Variants in RAD51AP2 observed in about 807,000 individuals in gnomAD.
The protein encoded by RAD51AP2 is RAD51 associated protein 2, also known as RAD51-associated protein 2.
In RAD51AP2, 67 loss-of-function variants were observed where a neutral mutation model predicts 85.5. The observed-to-expected ratio is 0.78, with a 90% CI of 0.64 to 0.96. The LOEUF is 0.96. Ranked by LOEUF, RAD51AP2 falls within the 40% of genes least tolerant of loss-of-function variation. The pLI, the probability that RAD51AP2 is intolerant of heterozygous loss-of-function variation, is 0.00. For synonymous variants in RAD51AP2, 474 were observed against 446.5 expected (o/e 1.06, Z -0.78); for missense variants, 1,307 against 1,332.4 (o/e 0.98, Z 0.30).
the RAD51AP2 span, among the ~76,000 whole-genome samples, chr2:17,534,453 G>T: frequency 5.4e-4 from 82 of 152,164 alleles, 2 homozygotes; most frequent in Admixed American, 4.4e-3. Context: ...AGCAGTTGCT[G>T]AATAACTAGT....
At chr2:17,521,680 C>G (rs755526227), upstream of RAD51AP2, among the ~76,000 whole-genome samples, 22 of 151,900 alleles carry the variant, frequency 1.4e-4, no homozygotes, top group Non-Finnish European at 2.9e-4. Context: ...CATTTATTTG[C>G]ATATAAGATT....
At position 17,517,322 on chromosome 2, in the gene RAD51AP2, T is replaced by C. The variant is rs576736859; in HGVS notation, c.1094A>G (p.Lys365Arg). Residue 365 changes from lysine (K) to arginine (R), a missense_variant, in exon 1 of 3, where the codon AAG becomes AGG. Transcript: ENST00000399080. ...SIQCNVRDSR[K>R]NFAILENANW... is the part of the protein sequence containing the mutation. ...TGCATTTTCTAGTATAGCGAAATTCTTTCTAGAGTCTCTTACATTACACTG... is the reference window on the plus strand; with the variant it reads ...TGCATTTTCTAGTATAGCGAAATTCCTTCTAGAGTCTCTTACATTACACTG... The C allele has an allele frequency of 1.8e-5, 29 of 1,614,022 alleles. No individual in the cohort carries two copies. In the South Asian group the frequency reaches 2.6e-4, roughly 15 times the overall value.
rs1662461557 is a variant in RAD51AP2, at chr2:17,510,581, T to G, written c.*223A>C. On this transcript the variant is annotated 3_prime_UTR_variant, in exon 3 of 3. Coordinates refer to ENST00000399080, the MANE Select transcript of RAD51AP2 (RefSeq NM_001099218.3). The stretch of plus-strand genomic sequence containing the variant: ...ATGAAAAATAATAAGTCAACATGTT[T>G]TATCCAATAATGAAACGGCTTTAAT... The G allele has an allele frequency of 3.4e-6, 1 of 294,544 alleles. No homozygotes were observed. Among genetic ancestry groups the G allele is most frequent in the Non-Finnish European group, 6.2e-6 (1 of 161,690 alleles). 18.2% of individuals were successfully genotyped at this position (294,544 alleles called of 1,614,324 possible). A position where few individuals can be genotyped will look rare whatever the true frequency, so the allele number is the denominator to read the frequency against.
chr2:17,522,772 A>T (rs530936067), upstream of RAD51AP2, among the ~76,000 whole-genome samples: 1 of 152,022 alleles, frequency 6.6e-6, no homozygotes, highest in African/African-American at 2.4e-5. Context: ...TTTTTTAATC[A>T]TATAAACTTA....
chr2:17,517,390 T>C lies in RAD51AP2; in HGVS notation c.1026A>G (p.Arg342=). 6.2e-7 allele frequency: 1 copy of C among 1,613,844 alleles called. No homozygotes were observed. The highest frequency in any genetic ancestry group is 8.5e-7 in the Non-Finnish European group (1 of 1,179,926). The change falls in exon 1 of 3, where the codon AGA becomes AGG. Residue 342 remains arginine, a synonymous_variant. Transcript: ENST00000399080. ...PSLSSQNTCK[R]KDLISSNYCN... is the part of the protein sequence containing the mutation. Reference sequence around the variant, plus strand: ...AGTAGTTTGAACTGATCAAGTCTTTTCTCTTACAAGTATTTTGGCTACTGA... The same window carrying C: ...AGTAGTTTGAACTGATCAAGTCTTTCCTCTTACAAGTATTTTGGCTACTGA...
rs1400220991 is a variant in RAD51AP2 at position 17,518,418 on chromosome 2, C to G, written c.-3G>C. ...GGCGTGGGCTGAGGGAGAGACATGA[C>G]AGCGAATGGAAAGGATCTGTCCGAG... On this transcript the variant is annotated 5_prime_UTR_variant, in exon 1 of 3. Coordinates refer to ENST00000399080, the MANE Select transcript of RAD51AP2 (RefSeq NM_001099218.3). 1 of 1,608,848 alleles carries G rather than the reference C, an allele frequency of 6.2e-7. No individual in the cohort carries two copies. The highest frequency in any genetic ancestry group is 2.0e-4 in the Middle Eastern group (1 of 4,904).
chr2:17,520,817 T>C (rs1662841677), upstream of RAD51AP2, among the ~76,000 whole-genome samples: 1 of 151,848 alleles, frequency 6.6e-6, no homozygotes, highest in African/African-American at 2.4e-5. Flanking sequence ...ATTTTCTTGC[T>C]CTTTTATGTA....
rs1271408860 is a variant in RAD51AP2, at chr2:17,515,717, T to C, written c.2699A>G (p.Asn900Ser). The change falls in exon 1 of 3, where the codon AAT becomes AGT. Residue 900 changes from asparagine (N) to serine (S), a missense_variant. By Grantham distance (46) the Asn-to-Ser change is conservative. Transcript: ENST00000399080. ...TTCTGGCAAAATACTCTCATATTCA[T>C]TTGTATTTGTTACATAATTTTGATT... ...YVNQNYVTNT[N>S]EYESILPERE... The C allele has an allele frequency of 1.9e-6, 3 of 1,597,698 alleles. No individual in the cohort carries two copies. The highest frequency in any genetic ancestry group is 1.7e-5 in the Admixed American group (1 of 57,242).
chr2:17,517,864 G>T lies in RAD51AP2; in HGVS notation c.552C>A (p.Asp184Glu), dbSNP rs1489577434. 2 of 1,613,974 alleles carry T rather than the reference G, an allele frequency of 1.2e-6. No individual in the cohort carries two copies. The highest frequency in any genetic ancestry group is 1.3e-5 in the African/African-American group (1 of 75,022). The change falls in exon 1 of 3, where the codon GAC becomes GAA. Residue 184 changes from aspartate to glutamate, a missense_variant. By Grantham distance (45) the Asp-to-Glu change is conservative (BLOSUM62 2). Transcript: ENST00000399080. ...NRKQQFVQGR[D>E]NVHKENPFLD... ...AAAATGGATTTTCTTTGTGAACATT[G>T]TCTCTTCCTTGGACAAACTGTTGTT...
rs1306442294 is a variant in RAD51AP2, at chr2:17,518,012, G to A, written c.404C>T (p.Ala135Val). 1 of 1,614,156 alleles carries A rather than the reference G, an allele frequency of 6.2e-7. No homozygotes were observed. Among genetic ancestry groups the A allele is most frequent in the African/African-American group, 1.3e-5 (1 of 75,030 alleles). ...SDLRASGRSE[A>V]GLHDREAFSV... ...GAAAGCCTCTCTGTCATGCAGGCCT[G>A]CCTCAGACCTTCCTGAAGCCCTCAA... The change falls in exon 1 of 3, where the codon GCA becomes GTA. Residue 135 changes from alanine (A) to valine (V), a missense_variant. Ala to Val is a moderately conservative substitution (Grantham distance 64). This residue lies in a region of RAD51AP2 where 635 missense variants were observed against 643.6 expected (regional missense o/e 0.99). Coordinates refer to ENST00000399080, the MANE Select transcript of RAD51AP2 (RefSeq NM_001099218.3).
At chr2:17,532,638 C>A in the RAD51AP2 span, among the ~76,000 whole-genome samples, 6 of 152,062 alleles carry the variant, frequency 3.9e-5, no homozygotes, top group Non-Finnish European at 8.8e-5. Flanking sequence ...GAACCATTGA[C>A]TTGTGGGCTA....
In RAD51AP2 at chr2:17,517,161, T is replaced by C; in HGVS notation, c.1255A>G (p.Lys419Glu). ...NCWIINNCKT[K>E]CENMKKTEEK... Reference sequence around the variant, plus strand: ...TCAGTTTTTTTCATATTTTCACATTTAGTCTTGCAATTATTTATAATCCAA... The same window carrying C: ...TCAGTTTTTTTCATATTTTCACATTCAGTCTTGCAATTATTTATAATCCAA... Residue 419 changes from lysine (K) to glutamate (E), a missense_variant, in exon 1 of 3, where the codon AAA becomes GAA. Around this residue, in one of 3 missense-constraint regions of RAD51AP2, gnomAD observed 635 missense variants for 643.6 expected, o/e 0.99. Coordinates refer to ENST00000399080, the MANE Select transcript of RAD51AP2 (RefSeq NM_001099218.3). 6.2e-7 allele frequency: 1 copy of C among 1,609,336 alleles called. No homozygotes were observed. The highest frequency in any genetic ancestry group is 8.5e-7 in the Non-Finnish European group (1 of 1,178,204).
intron 2 of RAD51AP2, among the ~76,000 whole-genome samples, chr2:17,512,015 T>C (rs906577765): frequency 6.6e-6 from 1 of 152,142 alleles, no homozygotes; most frequent in African/African-American, 2.4e-5. Flanking sequence ...CCTCCTCCAT[T>C]GGTCTAAATG....
the RAD51AP2 span, among the ~76,000 whole-genome samples, chr2:17,533,496 C>A: frequency 6.6e-6 from 1 of 152,202 alleles, no homozygotes; most frequent in Non-Finnish European, 1.5e-5. Flanking sequence ...TCCATTTCCA[C>A]TGCCACTTTT....
Position 17,510,800 on chromosome 2 carries a change from A to G in RAD51AP2, c.*4T>C. The G allele has an allele frequency of 4.5e-6, 7 of 1,546,064 alleles. No individual in the cohort carries two copies. The highest frequency in any genetic ancestry group is 2.3e-5 in the East Asian group (1 of 43,504). Reference sequence around the variant, plus strand: ...ATGTTGTAAAATGTTTTGAAATATGAAAGTCAAAAATTTTCTTTTAAGTTT... The same window carrying G: ...ATGTTGTAAAATGTTTTGAAATATGGAAGTCAAAAATTTTCTTTTAAGTTT... On this transcript the variant is annotated 3_prime_UTR_variant, in exon 3 of 3. Coordinates refer to ENST00000399080, the MANE Select transcript of RAD51AP2 (RefSeq NM_001099218.3).
chr2:17,526,024 C>T, the RAD51AP2 span, among the ~76,000 whole-genome samples: 1 of 151,754 alleles, frequency 6.6e-6, no homozygotes, highest in Non-Finnish European at 1.5e-5. Flanking sequence ...AGAGAAGCAG[C>T]AGCAAAATGA....
the RAD51AP2 span, among the ~76,000 whole-genome samples, chr2:17,524,318 A>G: frequency 6.6e-6 from 1 of 152,002 alleles, no homozygotes; most frequent in Non-Finnish European, 1.5e-5. Context: ...CCAAAATAAT[A>G]CACAGTCTTT....
Position 17,515,393 on chromosome 2 carries a change from T to C in RAD51AP2, c.3023A>G (p.Lys1008Arg). Residue 1008 changes from lysine to arginine, a missense_variant, in exon 1 of 3, where the codon AAG becomes AGG. Coordinates refer to ENST00000399080, the MANE Select transcript of RAD51AP2 (RefSeq NM_001099218.3). ...ENYFGENDAE[K>R]VKMEIEKDLK... ...ATCTTTTTCTATCTCCATTTTTACC[T>C]TCTCAGCATCATTTTCTCCAAAGTA... The C allele has an allele frequency of 6.2e-7, 1 of 1,611,852 alleles. No individual in the cohort carries two copies. Among genetic ancestry groups the C allele is most frequent in the Non-Finnish European group, 8.5e-7 (1 of 1,179,464 alleles).
chr2:17,514,660 C>G (rs907366708), intron 1 of RAD51AP2, among the ~76,000 whole-genome samples: 3 of 152,102 alleles, frequency 2.0e-5, no homozygotes, highest in Non-Finnish European at 4.4e-5. Context: ...ATCCCAGCTA[C>G]TCTGGAGGCT....
Sources: allele counts gnomAD v4.1 joint callset (sites outside exome capture counted in the v4.1 genomes callset), GRCh38; gene constraint gnomAD v4.1.1; regional missense constraint gnomAD v4.1.1; transcripts MANE v1.5; gene names NCBI Gene and HGNC (gene_info 2026-07-23, HGNC 2026-07-21).